Variants in APOB observed in about 807,000 individuals in gnomAD.
APOB encodes the protein apolipoprotein B.
A neutral mutation model predicts 314.1 loss-of-function variants in APOB; 153 were observed. The observed-to-expected ratio is 0.49, with a 90% confidence interval of 0.43 to 0.56. The LOEUF is 0.56. APOB is among the 20% of genes least tolerant of loss of function. The pLI, the probability that APOB is intolerant of heterozygous loss-of-function variation, is 0.00. For missense variants in APOB, 5,430 were observed against 5,350.7 expected, an observed-to-expected ratio of 1.01 and a Z score of -0.46; for synonymous variants, 2,087 against 2,036.4, an observed-to-expected ratio of 1.02 and a Z score of -0.67.
intron 21 of APOB, among the ~76,000 whole-genome samples, chr2:21,015,981 C>G (rs959373265): frequency 1.3e-5 from 2 of 152,134 alleles, no homozygotes; most frequent in African/African-American, 4.8e-5. Flanking sequence ...ACTGGACATG[C>G]GCAGAGGGTT....
At chr2:21,027,581 GGGATTACAGGAGTGA>G (rs1268263877) in intron 14 of APOB, among the ~76,000 whole-genome samples, 1 of 152,160 alleles carries the variant, frequency 6.6e-6, no homozygotes, top group African/African-American at 2.4e-5. Context: ...CCAAAGTGCT[GGGATTACAGGAGTGA>G]GCCACCTCGC....
chr2:21,018,647 C>T (rs569141453), intron 20 of APOB, among the ~76,000 whole-genome samples: 17 of 152,304 alleles, frequency 1.1e-4, no homozygotes, highest in African/African-American at 4.1e-4. Context: ...CACTGCTTTC[C>T]CTGCCCTTCT....
At chr2:21,039,764 G>C (rs1664087937) in intron 4 of APOB, among the ~76,000 whole-genome samples, 1 of 152,034 alleles carries the variant, frequency 6.6e-6, no homozygotes, top group African/African-American at 2.4e-5. Flanking sequence ...ATTTGGAGAA[G>C]ACCAAGGACC....
chr2:21,011,268 C>T lies in APOB; in HGVS notation c.5600G>A (p.Arg1867Gln), dbSNP rs371337253. Reference sequence around the variant, plus strand: ...CAGCCCAGCGATGTCTGTGTTGAGCCGATGGCTAAACTCCACACCCTGAAC... The same window carrying T: ...CAGCCCAGCGATGTCTGTGTTGAGCTGATGGCTAAACTCCACACCCTGAAC... Reference protein sequence around the residue: ...AKVQGVEFSHRLNTDIAGLAS... With the variant: ...AKVQGVEFSHQLNTDIAGLAS... The change falls in exon 26 of 29, where the codon CGG becomes CAG. Residue 1867 changes from arginine (R) to glutamine (Q), a missense_variant. Around this residue, in one of 3 missense-constraint regions of APOB, gnomAD observed 3,281 missense variants for 3,171.0 expected, o/e 1.03. Coordinates refer to ENST00000233242, the MANE Select transcript of APOB (RefSeq NM_000384.3). The T allele has an allele frequency of 2.8e-5, 45 of 1,614,040 alleles. No individual in the cohort carries two copies. The highest frequency in any genetic ancestry group is 2.3e-4 in the African/African-American group (17 of 74,928).
In APOB at chr2:21,009,882, T is replaced by A; in HGVS notation, c.6986A>T (p.Glu2329Val). ...GAAGGCATTGATTTTCTCAGCTACT[T>A]CAAAATCCCCAATAAGATTTATAAC... ...HFVINLIGDF[E>V]VAEKINAFRA... The change falls in exon 26 of 29, where the codon GAA becomes GTA. Residue 2329 changes from glutamate to valine, a missense_variant. Transcript: ENST00000233242. 6.2e-7 allele frequency: 1 copy of A among 1,614,014 alleles called. No homozygotes were observed. The highest frequency in any genetic ancestry group is 1.1e-5 in the South Asian group (1 of 91,074).
At position 21,004,540 on chromosome 2, in the gene APOB, A is replaced by G. The variant is rs752661734; in HGVS notation, c.11903+21T>C. ...GAGTTTTCAAAAGGTATAAGGTTTC[A>G]ATTCAATAAAAGCTCCATACTGAAG... On this transcript the variant is annotated intron_variant, in intron 27 of 28. Transcript: ENST00000233242. The G allele has an allele frequency of 5.6e-6, 9 of 1,612,686 alleles. No homozygotes were observed. In the South Asian group the frequency reaches 9.9e-5, roughly 18 times the overall value.
Position 21,002,640 on chromosome 2 carries a change from TTA to T in APOB, c.12780_12781del (p.His4260GlnfsTer10). ...ATACATCGAGATTACATCTATTAGT[TTA>T]TGTTTCCTTAACTCGAAAGGAAGTG... On this transcript the variant is annotated frameshift_variant, in exon 29 of 29. Coordinates refer to ENST00000233242, the MANE Select transcript of APOB (RefSeq NM_000384.3). LOFTEE classifies it low-confidence loss of function (END_TRUNC). 1 of 1,613,882 alleles carries T rather than the reference TTA, an allele frequency of 6.2e-7. No individual in the cohort carries two copies. The highest frequency in any genetic ancestry group is 8.5e-7 in the Non-Finnish European group (1 of 1,179,906).
chr2:21,043,403 A>G (rs1454863261), intron 2 of APOB, 110 bp downstream of exon 2: 2 of 1,307,702 alleles, frequency 1.5e-6, no homozygotes, highest in Non-Finnish European at 2.2e-6. Context: ...AGAGCAAGGC[A>G]CACCACGATG....
At position 21,028,131 on chromosome 2, in the gene APOB, A is replaced by T. The variant is rs1051426106; in HGVS notation, c.1830-66T>A. 4.7e-6 allele frequency: 6 copies of T among 1,272,464 alleles called. No homozygotes were observed. In the African/African-American group the frequency reaches 7.3e-5, roughly 15 times the overall value. The allele number at this position is 1,272,464 out of a possible 1,614,324, so 78.8% of individuals were successfully genotyped here. On this transcript the variant is annotated intron_variant, in intron 13 of 28. Coordinates refer to ENST00000233242, the MANE Select transcript of APOB (RefSeq NM_000384.3). ...TATTATCCTTTGACTCTTGCACCCC[A>T]AGTAAATATGGATTTCCAATCACTA...
chr2:21,021,522 G>C (rs1663605620), intron 18 of APOB, among the ~76,000 whole-genome samples: 1 of 152,128 alleles, frequency 6.6e-6, no homozygotes, highest in Non-Finnish European at 1.5e-5. Flanking sequence ...GCCTTCAAAA[G>C]AGTCCAAACT....
At position 21,002,063 on chromosome 2, in the gene APOB, G is replaced by A. The variant is rs956933186; in HGVS notation, c.13359C>T (p.Ser4453=). 1 of 1,613,984 alleles carries A rather than the reference G, an allele frequency of 6.2e-7. No homozygotes were observed. The highest frequency in any genetic ancestry group is 8.5e-7 in the Non-Finnish European group (1 of 1,179,970). ...CTTTTCCATCTGGATCGGTAAGGATGCTAAGATATTCCTGAATATTTCTGT... is the reference window on the plus strand; with the variant it reads ...CTTTTCCATCTGGATCGGTAAGGATACTAAGATATTCCTGAATATTTCTGT... ...FLHRNIQEYL[S]ILTDPDGKGK... Residue 4453 remains serine (S), a synonymous_variant, in exon 29 of 29, where the codon AGC becomes AGT. Transcript: ENST00000233242.
At position 21,007,200 on chromosome 2, in the gene APOB, T is replaced by C; in HGVS notation, c.9668A>G (p.Tyr3223Cys). 6.2e-7 allele frequency: 1 copy of C among 1,613,960 alleles called. No individual in the cohort carries two copies. Among genetic ancestry groups the C allele is most frequent in the Admixed American group, 1.7e-5 (1 of 59,952 alleles). ...NNALDFVTKS[Y>C]NETKIKFDKY... ...ATCAAACTTAATTTTTGTTTCATTA[T>C]AGGATTTGGTGACAAAATCTAATGC... Residue 3223 changes from tyrosine to cysteine, a missense_variant, in exon 26 of 29, where the codon TAT becomes TGT. Physicochemically the swap from Tyr to Cys is radical, Grantham distance 194. Coordinates refer to ENST00000233242, the MANE Select transcript of APOB (RefSeq NM_000384.3).
intron 15 of APOB, among the ~76,000 whole-genome samples, chr2:21,025,598 T>C (rs1210181373): frequency 6.6e-6 from 1 of 152,098 alleles, no homozygotes; most frequent in Non-Finnish European, 1.5e-5. Flanking sequence ...CAGAGATGGA[T>C]GCCCAGGCAT....
chr2:21,003,058 G>T lies in APOB; in HGVS notation c.12364C>A (p.Gln4122Lys), dbSNP rs767603929. 22 of 1,570,470 alleles carry T rather than the reference G, an allele frequency of 1.4e-5. No individual in the cohort carries two copies. The highest frequency in any genetic ancestry group is 1.2e-4 in the African/African-American group (9 of 73,312). Residue 4122 changes from glutamine to lysine, a missense_variant, in exon 29 of 29, where the codon CAA (glutamine) becomes AAA (lysine). Transcript: ENST00000233242. The stretch of plus-strand genomic sequence containing the variant: ...AACCTCACGTCGATATCATCAATTT[G>T]CCTAATGGCCCCTTGATAAACCCAC... ...AEWVYQGAIR[Q>K]IDDIDVRFQK...
chr2:21,027,494 T>C (rs748553475), intron 14 of APOB, among the ~76,000 whole-genome samples: 35 of 152,150 alleles, frequency 2.3e-4, no homozygotes, highest in Non-Finnish European at 4.7e-4. Context: ...TTTGTATTTT[T>C]AGTAGAGATG....
chr2:21,028,222 T>C (rs1207284565), intron 13 of APOB, 105 bp downstream of exon 13: 6 of 1,190,848 alleles, frequency 5.0e-6, no homozygotes, highest in Non-Finnish European at 7.5e-6. Flanking sequence ...TTTGCACAAG[T>C]GTTTGTTTCA....
intron 15 of APOB, among the ~76,000 whole-genome samples, chr2:21,025,804 T>C (rs1466474537): frequency 6.6e-6 from 1 of 152,136 alleles, no homozygotes; most frequent in African/African-American, 2.4e-5. Context: ...TCTGATTCAG[T>C]AGATTGTGGG....
chr2:21,018,296 A>G (rs1181642963), intron 20 of APOB, among the ~76,000 whole-genome samples: 1 of 152,212 alleles, frequency 6.6e-6, no homozygotes, highest in Non-Finnish European at 1.5e-5. Context: ...TCTTTTCTCA[A>G]CATAAACATA....
chr2:21,032,681 C>A, intron 9 of APOB, 100 bp from the exon 10 acceptor site: 1 of 888,566 alleles, frequency 1.1e-6, no homozygotes, highest in Non-Finnish European at 1.7e-6. Flanking sequence ...TTAATCACCT[C>A]ATTCACTATT....
Sources: gnomAD v4.1 joint callset for allele counts (sites outside exome capture counted in the v4.1 genomes callset) on GRCh38, gnomAD v4.1.1 for gene constraint, gnomAD v4.1.1 regional missense constraint, MANE v1.5 for transcripts, NCBI Gene and HGNC (gene_info 2026-07-23, HGNC 2026-07-21) for gene names.